LRRC37A2: variants seen among roughly 807,000 people sequenced by gnomAD.
LRRC37A2 encodes the protein leucine-rich repeat-containing protein 37A2.
In LRRC37A2, 9 loss-of-function variants were observed where a neutral mutation model predicts 68.8. The observed-to-expected ratio is 0.13, with a 90% CI of 0.08 to 0.23. LRRC37A2 has a LOEUF of 0.23. Ranked by LOEUF, LRRC37A2 falls within the 10% of genes least tolerant of loss-of-function variation. The pLI is 1.00. For missense variants in LRRC37A2, 168 were observed against 950.4 expected (o/e 0.18, Z 10.82); for synonymous variants, 63 against 367.6 (o/e 0.17, Z 9.48).
At chr17:47,022,166 C>CTTTTTTTTTTTTTTTTTTTT in the LRRC37A2 span, among the ~76,000 whole-genome samples, 68 of 15,846 alleles carry the variant, frequency 4.3e-3, 24 homozygotes, top group East Asian at 0.035. Context: ...CCTTTTTGTT[C>CTTTTTTTTTTTTTTTTTTTT]TCTTTTTTTT....
chr17:46,812,398 C>T, the LRRC37A2 span, among the ~76,000 whole-genome samples: 4 of 152,116 alleles, frequency 2.6e-5, no homozygotes, highest in African/African-American at 9.7e-5. Context: ...TTCTGCCTTC[C>T]GACTATAAAT....
At chr17:46,753,000 C>T in the LRRC37A2 span, among the ~76,000 whole-genome samples, 1 of 152,196 alleles carries the variant, frequency 6.6e-6, no homozygotes, top group African/African-American at 2.4e-5. Flanking sequence ...ATCTACTGAC[C>T]TCAGGTGATC....
At chr17:46,764,329 A>T in the LRRC37A2 span, 1 of 152,560 alleles carries the variant, frequency 6.6e-6, no homozygotes, top group African/African-American at 2.4e-5. Context: ...ATTTTCTTTA[A>T]CATGTGCAAA....
At chr17:46,757,761 A>C in the LRRC37A2 span, among the ~76,000 whole-genome samples, 6 of 152,014 alleles carry the variant, frequency 3.9e-5, no homozygotes, top group African/African-American at 1.4e-4. Flanking sequence ...AGGGAGGCTG[A>C]GGTGGGTGGA....
chr17:46,873,871 C>T, the LRRC37A2 span, among the ~76,000 whole-genome samples: 1 of 151,928 alleles, frequency 6.6e-6, no homozygotes, highest in East Asian at 1.9e-4. Context: ...AGCCTGTAAT[C>T]CCAGCTACTT....
chr17:46,778,550 G>A, the LRRC37A2 span, among the ~76,000 whole-genome samples: 1,806 of 151,912 alleles, frequency 0.012, 34 homozygotes, highest in African/African-American at 0.041. Flanking sequence ...CCTCCTGCCC[G>A]CACACTGCTG....
chr17:46,763,205 C>G, the LRRC37A2 span: 1 of 152,170 alleles, frequency 6.6e-6, no homozygotes, highest in Admixed American at 6.6e-5. Flanking sequence ...TCTGCTCATT[C>G]CCCTGCTGCA....
the LRRC37A2 span, among the ~76,000 whole-genome samples, chr17:47,022,611 C>G: frequency 6.6e-6 from 1 of 152,178 alleles, no homozygotes; most frequent in African/African-American, 2.4e-5. Flanking sequence ...TACCTACATA[C>G]ATATTTACAT....
chr17:46,715,109 G>A, the LRRC37A2 span, among the ~76,000 whole-genome samples: 1 of 152,186 alleles, frequency 6.6e-6, no homozygotes, highest in African/African-American at 2.4e-5. Context: ...GATGGAGGAA[G>A]CCGAACTTGT....
the LRRC37A2 span, among the ~76,000 whole-genome samples, chr17:46,899,361 T>C: frequency 6.6e-6 from 1 of 152,058 alleles, no homozygotes; most frequent in Non-Finnish European, 1.5e-5. Flanking sequence ...GCCAATATGA[T>C]GCCACTGCAC....
the LRRC37A2 span, chr17:46,886,465 C>T: frequency 1.3e-5 from 2 of 152,214 alleles, no homozygotes; most frequent in African/African-American, 4.8e-5. Context: ...ATGCAATTAA[C>T]TTGGGAGTAT....
At chr17:46,687,521 C>T in the LRRC37A2 span, among the ~76,000 whole-genome samples, 4 of 144,432 alleles carry the variant, frequency 2.8e-5, no homozygotes, top group African/African-American at 1.0e-4. Flanking sequence ...TCAAATCTAG[C>T]ATTTGCTGTT....
chr17:46,928,914 C>CCACCCCTCTGTCTG, the LRRC37A2 span, among the ~76,000 whole-genome samples: 1 of 152,086 alleles, frequency 6.6e-6, no homozygotes, highest in East Asian at 1.9e-4. Context: ...TTTCTCAGCC[C>CCACCCCTCTGTCTG]CACCCCTCTG....
the LRRC37A2 span, among the ~76,000 whole-genome samples, chr17:46,818,995 G>A: frequency 6.6e-6 from 1 of 152,212 alleles, no homozygotes; most frequent in African/African-American, 2.4e-5. Flanking sequence ...CCGCTGGCCA[G>A]GGTTAGGGCG....
the LRRC37A2 span, among the ~76,000 whole-genome samples, chr17:46,948,063 G>A: frequency 2.0e-5 from 3 of 151,240 alleles, no homozygotes; most frequent in African/African-American, 7.2e-5. Context: ...GAGCCACCGC[G>A]CCCAGCCTAG....
the LRRC37A2 span, among the ~76,000 whole-genome samples, chr17:47,020,115 G>A: frequency 1.7e-4 from 25 of 150,858 alleles, no homozygotes; most frequent in African/African-American, 4.9e-4. Flanking sequence ...TCCCTCTCCC[G>A]ATCTCAGTGA....
At chr17:46,469,508 T>A in the LRRC37A2 span, among the ~76,000 whole-genome samples, 1 of 23,276 alleles carries the variant, frequency 4.3e-5, no homozygotes, top group African/African-American at 2.3e-4. Context: ...TTTATATTCC[T>A]CCAGCTTAAT....
chr17:47,010,112 G>C, the LRRC37A2 span, among the ~76,000 whole-genome samples: 5 of 152,318 alleles, frequency 3.3e-5, no homozygotes, highest in South Asian at 1.0e-3. Context: ...AGAATTGAAG[G>C]AAGGGGAAGG....
the LRRC37A2 span, among the ~76,000 whole-genome samples, chr17:46,967,919 G>A: frequency 2.0e-5 from 3 of 152,162 alleles, no homozygotes; most frequent in Non-Finnish European, 2.9e-5. Context: ...AAGAGGGAGA[G>A]CCACTGTGAA....
Sources: allele counts gnomAD v4.1 joint callset (sites outside exome capture counted in the v4.1 genomes callset), GRCh38; gene constraint gnomAD v4.1.1; transcripts MANE v1.5; gene names NCBI Gene and HGNC (gene_info 2026-07-23, HGNC 2026-07-21).